The following SPATA13 variants were observed in gnomAD, a reference collection of about 807,000 sequenced individuals.
SPATA13 encodes spermatogenesis associated 13.
Under a neutral mutation model 104.0 loss-of-function variants are expected in SPATA13, and 50 were observed. The ratio of observed to expected loss-of-function variants is 0.48; its 90% CI spans 0.38 to 0.61. The LOEUF (loss-of-function observed/expected upper bound fraction) is 0.61. SPATA13 is among the 20% of genes least tolerant of loss of function. The pLI, the probability that SPATA13 is intolerant of heterozygous loss-of-function variation, is 0.00. For synonymous variants in SPATA13, 606 were observed against 667.5 expected (o/e 0.91, Z 1.42); for missense variants, 1,524 against 1,690.6 (o/e 0.90, Z 1.73).
intron 4 of SPATA13, chr13:24,270,921 G>C: frequency 6.3e-7 from 1 of 1,589,392 alleles, no homozygotes; most frequent in Non-Finnish European, 8.6e-7. Context: ...GGGTATGTGT[G>C]CAAAGAATGG....
intron 3 of SPATA13, among the ~76,000 whole-genome samples, chr13:24,082,826 CAAAAAAAAAAAAA>C (rs3075296): frequency 6.0e-5 from 3 of 50,044 alleles, no homozygotes; most frequent in East Asian, 1.6e-3. Context: ...GACTCCGTCT[CAAAAAAAAAAAAA>C]AAAAAAAAAA....
intron 4 of SPATA13, among the ~76,000 whole-genome samples, chr13:24,261,562 C>A (rs1446972808): frequency 1.3e-5 from 2 of 152,108 alleles, no homozygotes; most frequent in Non-Finnish European, 2.9e-5. Context: ...GATCTTGAAC[C>A]ATGCTCTGAG....
chr13:24,278,249 A>G (rs139023895), intron 4 of SPATA13, among the ~76,000 whole-genome samples: 2 of 152,322 alleles, frequency 1.3e-5, no homozygotes, highest in African/African-American at 4.8e-5. Flanking sequence ...TAAGAGTTAG[A>G]TGGCCTGAGC....
intron 4 of SPATA13, among the ~76,000 whole-genome samples, chr13:24,273,362 G>A (rs1220060622): frequency 6.6e-6 from 1 of 152,102 alleles, no homozygotes. Context: ...ATTCTTCAAA[G>A]CTCCTTAGAC....
chr13:24,034,520 T>TAA (rs750580110), intron 3 of SPATA13: 4 of 150,622 alleles, frequency 2.7e-5, no homozygotes, highest in Non-Finnish European at 4.4e-5. Context: ...TATATATATA[T>TAA]AACAGATATT....
intron 2 of SPATA13, among the ~76,000 whole-genome samples, chr13:23,998,919 C>G (rs1875816458): frequency 7.6e-6 from 1 of 131,716 alleles, no homozygotes; most frequent in Admixed American, 8.6e-5. Context: ...CATCTTTTCA[C>G]TAACTTTGGT....
In SPATA13 at chr13:24,226,044, T is replaced by A. The variant is rs1180430508; in HGVS notation, c.1653+1462T>A. 4.6e-5 allele frequency among the ~76,000 whole-genome samples: 7 copies of A among 152,184 alleles called. No individual in the cohort carries two copies. The East Asian group carries it at 5.8e-4, about 13-fold the overall frequency. ...GTTGCTCCTCTCTGCAGGCAGGTAG[T>A]CCCAATGAGTGGCGGAGTCTGGGGG... On this transcript the variant is annotated intron_variant, in intron 2 of 12. Transcript: ENST00000382108.
chr13:24,062,734 G>A (rs1403193279), intron 3 of SPATA13, among the ~76,000 whole-genome samples: 1 of 152,124 alleles, frequency 6.6e-6, no homozygotes, highest in Non-Finnish European at 1.5e-5. Flanking sequence ...GTTTGTGTGT[G>A]TGTATGTGCA....
chr13:24,255,264 AT>A (rs1268269141), intron 4 of SPATA13, among the ~76,000 whole-genome samples: 1 of 152,168 alleles, frequency 6.6e-6, no homozygotes, highest in African/African-American at 2.4e-5. Context: ...TTGTAGTAGG[AT>A]GCCTACCCTG....
Position 24,278,950 on chromosome 13 carries a change from C to T in SPATA13, c.2165-5185C>T, listed in dbSNP as rs56258822. Reference sequence around the variant, plus strand: ...CCTCTTTCCTTCCTTCCTTCCTTCCCTCCTTCCTTCCTTCCCTCCTTCCCT... The same window carrying T: ...CCTCTTTCCTTCCTTCCTTCCTTCCTTCCTTCCTTCCTTCCCTCCTTCCCT... On this transcript the variant is annotated intron_variant, in intron 4 of 12. Coordinates refer to ENST00000382108, the MANE Select transcript of SPATA13 (RefSeq NM_001166271.3). The T allele has an allele frequency of 4.3e-3, 2,768 of 644,412 alleles. 80 individuals carry two copies. In the African/African-American group the frequency reaches 0.053, roughly 12 times the overall value. 39.9% of individuals were successfully genotyped at this position (644,412 alleles called of 1,614,324 possible).
chr13:24,123,804 CCTT>C, intron 3 of SPATA13: 1 of 948,818 alleles, frequency 1.1e-6, no homozygotes, highest in Non-Finnish European at 1.7e-6. Flanking sequence ...ATGAGAAACT[CCTT>C]GATTAATAAA....
chr13:24,251,074 T>C (rs1375519582), intron 3 of SPATA13, among the ~76,000 whole-genome samples: 1 of 152,222 alleles, frequency 6.6e-6, no homozygotes, highest in East Asian at 1.9e-4. Context: ...CTTTGATTAA[T>C]AGTTTTAGGG....
At position 24,117,693 on chromosome 13, in the gene SPATA13, C is replaced by A. The variant is rs375410951; in HGVS notation, c.-112+99992C>A. On this transcript the variant is annotated intron_variant, in intron 3 of 14. Transcript: ENST00000424834. ...GAAAGAGAAATTAAGAGAAAAAAAA[C>A]CCCAAACTCATTCCTTTACTCTGAT... Among the ~76,000 whole-genome samples the A allele has an allele frequency of 5.9e-3, 905 of 152,104 alleles. 9 individuals are homozygous for A. Among genetic ancestry groups the A allele is most frequent in the African/African-American group, 0.021 (871 of 41,466 alleles).
intron 11 of SPATA13, 72 bp from the exon 12 acceptor site, chr13:24,300,329 C>A: frequency 8.4e-7 from 1 of 1,185,912 alleles, no homozygotes. Flanking sequence ...CTGATATGGG[C>A]TGTGATACAA....
rs1370736831 is a variant in SPATA13, at chr13:24,178,397, T to G, written c.-112+17465T>G. 3.3e-5 allele frequency among the ~76,000 whole-genome samples: 5 copies of G among 151,738 alleles called. No homozygotes were observed. The East Asian group carries it at 7.7e-4, about 23-fold the overall frequency. On this transcript the variant is annotated intron_variant, in intron 1 of 12. Transcript: ENST00000382108. ...TTTGATACTTCTGAGGAACATGCAT[T>G]TTTTTTTAACTGTAAGAGCTTTTTT...
chr13:24,020,099 G>C (rs1260428854), intron 3 of SPATA13, among the ~76,000 whole-genome samples: 1 of 152,158 alleles, frequency 6.6e-6, no homozygotes, highest in Non-Finnish European at 1.5e-5. Flanking sequence ...CCGACAGCCA[G>C]ACTTAACCAG....
intron 3 of SPATA13, among the ~76,000 whole-genome samples, chr13:24,033,262 G>A (rs901189093): frequency 3.9e-5 from 6 of 152,128 alleles, no homozygotes; most frequent in Non-Finnish European, 5.9e-5. Flanking sequence ...AAAATGAAAC[G>A]AAAGCAGTCA....
chr13:24,112,289 A>C (rs1880664190), intron 3 of SPATA13, among the ~76,000 whole-genome samples: 2 of 149,428 alleles, frequency 1.3e-5, no homozygotes, highest in Admixed American at 6.7e-5. Flanking sequence ...TTTACAATAA[A>C]AATCTACCCT....
intron 1 of SPATA13, among the ~76,000 whole-genome samples, chr13:24,181,706 C>T (rs1245642322): frequency 6.6e-6 from 1 of 151,980 alleles, no homozygotes; most frequent in Non-Finnish European, 1.5e-5. Flanking sequence ...ATAATAATAA[C>T]GCCTTCTTCT....
Sources: gnomAD v4.1 joint callset for allele counts (sites outside exome capture counted in the v4.1 genomes callset) on GRCh38, gnomAD v4.1.1 for gene constraint, MANE v1.5 for transcripts, NCBI Gene and HGNC (gene_info 2026-07-23, HGNC 2026-07-21) for gene names.